The following ANK2 variants were observed in gnomAD, a reference collection of about 807,000 sequenced individuals.
ANK2 encodes the protein ankyrin-2.
In ANK2, 83 loss-of-function variants were observed where a neutral mutation model predicts 360.5. The ratio of observed to expected loss-of-function variants is 0.23; its 90% CI spans 0.19 to 0.28. The LOEUF is 0.28. Ranked by LOEUF, ANK2 falls within the 10% of genes least tolerant of loss-of-function variation. The pLI, the probability that ANK2 is intolerant of heterozygous loss-of-function variation, is 1.00. For synonymous variants in ANK2, 1,740 were observed against 1,759.5 expected (o/e 0.99, Z 0.28); for missense variants, 4,201 against 4,795.7 (o/e 0.88, Z 3.66).
chr4:112,804,252 C>A, the ANK2 span, among the ~76,000 whole-genome samples: 1 of 152,240 alleles, frequency 6.6e-6, no homozygotes, highest in Middle Eastern at 3.4e-3. Flanking sequence ...GATCTCCTGA[C>A]CTTGTGATCT....
At chr4:113,110,890 A>T (rs1038354253) in intron 1 of ANK2, among the ~76,000 whole-genome samples, 1 of 152,162 alleles carries the variant, frequency 6.6e-6, no homozygotes, top group African/African-American at 2.4e-5. Flanking sequence ...CAGTGATTTC[A>T]TGTTTGATCT....
chr4:112,761,661 C>A, the ANK2 span, among the ~76,000 whole-genome samples: 3 of 151,992 alleles, frequency 2.0e-5, no homozygotes, highest in Non-Finnish European at 2.9e-5. Flanking sequence ...AAATAAAGTT[C>A]TCTTCGAAGT....
At chr4:113,082,616 G>A (rs1035308288) in intron 1 of ANK2, among the ~76,000 whole-genome samples, 2 of 151,980 alleles carry the variant, frequency 1.3e-5, no homozygotes, top group Non-Finnish European at 2.9e-5. Flanking sequence ...TTTGTCAATC[G>A]TACTTTTGCA....
At chr4:113,183,093 G>C (rs1166607694) in intron 2 of ANK2, among the ~76,000 whole-genome samples, 1 of 152,054 alleles carries the variant, frequency 6.6e-6, no homozygotes, top group Admixed American at 6.6e-5. Flanking sequence ...AAGATGTATG[G>C]GCAGAGGAGC....
At chr4:112,990,938 C>T (rs2046521856) in intron 2 of ANK2, among the ~76,000 whole-genome samples, 1 of 152,128 alleles carries the variant, frequency 6.6e-6, no homozygotes, top group Non-Finnish European at 1.5e-5. Flanking sequence ...CAACCAAATT[C>T]ATCCTAATTT....
chr4:113,244,405 A>C (rs1011529961), intron 9 of ANK2, among the ~76,000 whole-genome samples: 1 of 152,182 alleles, frequency 6.6e-6, no homozygotes, highest in Non-Finnish European at 1.5e-5. Context: ...AAAACAAAAA[A>C]ACAAAAAACA....
At chr4:112,881,936 G>A (rs752307951) in intron 1 of ANK2, 2 of 661,252 alleles carry the variant, frequency 3.0e-6, no homozygotes, top group African/African-American at 1.8e-5. Context: ...TTGCATTCAC[G>A]GCTGCCATCT....
chr4:112,819,057 A>G (rs866820669), intron 1 of ANK2, among the ~76,000 whole-genome samples: 1 of 152,228 alleles, frequency 6.6e-6, no homozygotes, highest in Non-Finnish European at 1.5e-5. Context: ...ACACTCATGC[A>G]TCAGGAATGA....
At chr4:112,893,928 C>T (rs562193145) in intron 1 of ANK2, among the ~76,000 whole-genome samples, 33 of 152,244 alleles carry the variant, frequency 2.2e-4, no homozygotes, top group South Asian at 2.1e-4. Flanking sequence ...ACCCAGGAGA[C>T]GGAGGATACA....
At chr4:112,810,121 T>TTG in the ANK2 span, among the ~76,000 whole-genome samples, 50 of 62,130 alleles carry the variant, frequency 8.0e-4, no homozygotes, top group African/African-American at 2.4e-3. Flanking sequence ...TTTTAATTTT[T>TTG]TGTGTATATA....
the ANK2 span, among the ~76,000 whole-genome samples, chr4:112,754,517 T>TTG: frequency 5.9e-4 from 87 of 147,808 alleles, no homozygotes; most frequent in Admixed American, 1.2e-3. Flanking sequence ...TTTTTTTTTT[T>TTG]GGGGGGGCGT....
At position 113,356,857 on chromosome 4, in the gene ANK2, C is replaced by A. The variant is rs376628082; in HGVS notation, c.8239C>A (p.Arg2747Ser). 1 of 1,613,856 alleles carries A rather than the reference C, an allele frequency of 6.2e-7. No individual in the cohort carries two copies. The highest frequency in any genetic ancestry group is 1.3e-5 in the African/African-American group (1 of 74,890). The change falls in exon 38 of 46, where the codon CGT becomes AGT. Residue 2747 changes from arginine (R) to serine (S), a missense_variant. Around this residue, in one of 4 missense-constraint regions of ANK2, gnomAD observed 2,642 missense variants for 2,714.5 expected, o/e 0.97. Transcript: ENST00000357077. ...KDSESHLAED[R>S]HAVSTEAEDR... ...TTCTGAATCCCATTTAGCTGAAGAC[C>A]GTCATGCTGTTTCCACTGAGGCTGA...
At chr4:113,256,641 C>G (rs2049508442) in intron 11 of ANK2, among the ~76,000 whole-genome samples, 1 of 152,148 alleles carries the variant, frequency 6.6e-6, no homozygotes, top group South Asian at 2.1e-4. Context: ...TAATTTATGC[C>G]TCTTGTGTCC....
the ANK2 span, among the ~76,000 whole-genome samples, chr4:112,805,867 G>A: frequency 2.0e-5 from 3 of 152,208 alleles, no homozygotes; most frequent in East Asian, 1.9e-4. Context: ...GAGCCACTGC[G>A]CCCGGCCACA....
At chr4:113,336,377 C>T in intron 30 of ANK2, 200 bp from the exon 31 acceptor site, 1 of 599,978 alleles carries the variant, frequency 1.7e-6, no homozygotes, top group East Asian at 2.8e-5. Context: ...GAGCTGCCAT[C>T]AGAGATCGTG....
chr4:112,977,697 C>T (rs1007926102), intron 2 of ANK2, among the ~76,000 whole-genome samples: 1 of 152,064 alleles, frequency 6.6e-6, no homozygotes, highest in Non-Finnish European at 1.5e-5. Flanking sequence ...GCCCCACATG[C>T]ATTAGGTATT....
intron 1 of ANK2, among the ~76,000 whole-genome samples, chr4:113,101,575 C>G (rs566751831): frequency 1.6e-4 from 24 of 152,136 alleles, no homozygotes; most frequent in African/African-American, 5.5e-4. Flanking sequence ...ATTCATCTAT[C>G]TAAGAAAAAG....
intron 18 of ANK2, among the ~76,000 whole-genome samples, chr4:113,283,331 A>ATTCT (rs918005934): frequency 1.3e-5 from 2 of 152,224 alleles, no homozygotes; most frequent in African/African-American, 4.8e-5. Flanking sequence ...CACCCAAGGC[A>ATTCT]TTCTTTAGTC....
chr4:112,794,040 A>G, the ANK2 span, among the ~76,000 whole-genome samples: 7 of 152,172 alleles, frequency 4.6e-5, no homozygotes, highest in Non-Finnish European at 1.0e-4. Context: ...TCAGCACCCC[A>G]TAATCACATT....
Sources: allele counts gnomAD v4.1 joint callset (sites outside exome capture counted in the v4.1 genomes callset), GRCh38; gene constraint gnomAD v4.1.1; regional missense constraint gnomAD v4.1.1; transcripts MANE v1.5; gene names NCBI Gene and HGNC (gene_info 2026-07-23, HGNC 2026-07-21).